The following SCPEP1 variants were observed in gnomAD, a reference collection of about 807,000 sequenced individuals.
SCPEP1 encodes serine carboxypeptidase 1, also known as retinoid-inducible serine carboxypeptidase.
Under a neutral mutation model 63.8 loss-of-function variants are expected in SCPEP1, and 51 were observed. The ratio of observed to expected loss-of-function variants is 0.80; its 90% CI spans 0.64 to 1.01. SCPEP1 has a LOEUF of 1.01. Ranked by LOEUF, SCPEP1 falls within the 50% of genes least tolerant of loss-of-function variation. The pLI, the probability that SCPEP1 is intolerant of heterozygous loss-of-function variation, is 0.00. For synonymous variants in SCPEP1, 204 were observed against 207.8 expected, an observed-to-expected ratio of 0.98 and a Z score of 0.16; for missense variants, 499 against 554.9, an observed-to-expected ratio of 0.90 and a Z score of 1.01.
chr17:56,994,883 C>T (rs1911500277), intron 6 of SCPEP1, 98 bp from the exon 7 acceptor site: 1 of 1,133,462 alleles, frequency 8.8e-7, no homozygotes, highest in East Asian at 2.4e-5. Context: ...GGGTTTCTTG[C>T]TTCTGTCTCT....
At chr17:56,981,425 G>T (rs1179033671) in intron 2 of SCPEP1, among the ~76,000 whole-genome samples, 195 bp downstream of exon 2, 1 of 152,186 alleles carries the variant, frequency 6.6e-6, no homozygotes, top group Admixed American at 6.5e-5. Context: ...GGGCGAGGGG[G>T]TTCTAGCCTT....
At chr17:56,998,040 G>T (rs571126213) in intron 9 of SCPEP1, 2 of 222,442 alleles carry the variant, frequency 9.0e-6, no homozygotes, top group Non-Finnish European at 1.8e-5. Flanking sequence ...ATGGCCAGGC[G>T]TGGTGGCTCA....
chr17:57,000,625 G>A (rs561957332), intron 10 of SCPEP1, among the ~76,000 whole-genome samples: 161 of 152,224 alleles, frequency 1.1e-3, no homozygotes, highest in South Asian at 1.7e-3. Flanking sequence ...ATTAAAAATG[G>A]TGCCTGCTGT....
At chr17:56,997,076 T>C (rs767251534) in intron 9 of SCPEP1, 21 bp downstream of exon 9, 3 of 1,437,748 alleles carry the variant, frequency 2.1e-6, no homozygotes, top group South Asian at 1.3e-5. Context: ...CTTGAAGTTA[T>C]TAAAGTCCCT....
rs371538786 is a variant in SCPEP1 at position 56,994,593 on chromosome 17, G to A, written c.620-388G>A. On this transcript the variant is annotated intron_variant, in intron 6 of 12. Coordinates refer to ENST00000262288, the MANE Select transcript of SCPEP1 (RefSeq NM_021626.3). ...ACTGGAGGAGCAAATAAGATGTAGA[G>A]CAGAAATGTGAGGGTGGGGAAATAT... Among the ~76,000 whole-genome samples, 4 of 152,324 alleles carry A rather than the reference G, an allele frequency of 2.6e-5. No homozygotes were observed. In the East Asian group the frequency reaches 7.7e-4, roughly 29 times the overall value.
chr17:56,987,922 G>A, intron 4 of SCPEP1, 72 bp downstream of exon 4: 1 of 1,511,384 alleles, frequency 6.6e-7, no homozygotes, highest in Non-Finnish European at 9.0e-7. Flanking sequence ...GCATAAACCT[G>A]AACTGCCTCC....
At chr17:56,994,558 A>T (rs1911489366) in intron 6 of SCPEP1, among the ~76,000 whole-genome samples, 1 of 152,240 alleles carries the variant, frequency 6.6e-6, no homozygotes, top group African/African-American at 2.4e-5. Flanking sequence ...GCAGAAGCTA[A>T]TATCTCCAAA....
intron 4 of SCPEP1, 149 bp from the exon 5 acceptor site, chr17:56,988,067 C>T (rs1481368786): frequency 2.0e-5 from 15 of 748,794 alleles, no homozygotes; most frequent in African/African-American, 8.9e-5. Context: ...TCTAATCAGA[C>T]GCAATAATCA....
intron 6 of SCPEP1, among the ~76,000 whole-genome samples, chr17:56,993,926 C>T (rs926989631): frequency 3.3e-5 from 5 of 152,152 alleles, no homozygotes; most frequent in African/African-American, 9.7e-5. Context: ...GAACTGCAGC[C>T]AATCCTGTGT....
At chr17:56,989,689 G>T (rs1911336180) in intron 5 of SCPEP1, among the ~76,000 whole-genome samples, 1 of 152,188 alleles carries the variant, frequency 6.6e-6, no homozygotes, top group Admixed American at 6.5e-5. Context: ...GCTCATGCCT[G>T]TAATCCCAGC....
At chr17:56,992,082 G>T (rs942160284) in intron 6 of SCPEP1, among the ~76,000 whole-genome samples, 1 of 152,228 alleles carries the variant, frequency 6.6e-6, no homozygotes, top group African/African-American at 2.4e-5. Context: ...TATCTTGATT[G>T]CAGGGGGTGG....
intron 10 of SCPEP1, among the ~76,000 whole-genome samples, 155 bp from the exon 11 acceptor site, chr17:57,000,700 C>G (rs1426915561): frequency 6.6e-6 from 1 of 152,168 alleles, no homozygotes. Flanking sequence ...CCTGACCAGT[C>G]GGCACAAATT....
intron 12 of SCPEP1, 81 bp downstream of exon 12, chr17:57,002,262 C>A: frequency 2.1e-6 from 3 of 1,406,600 alleles, no homozygotes; most frequent in Non-Finnish European, 2.9e-6. Flanking sequence ...CTGTCCACTG[C>A]CCAGGTGGGT....
At chr17:56,994,770 G>A (rs763239345) in intron 6 of SCPEP1, 1 of 478,984 alleles carries the variant, frequency 2.1e-6, no homozygotes, top group Non-Finnish European at 3.8e-6. Flanking sequence ...AGAGTCAACA[G>A]AAAGGCCCCC....
chr17:56,984,379 A>C (rs1158740630), intron 2 of SCPEP1: 2 of 152,122 alleles, frequency 1.3e-5, no homozygotes, highest in African/African-American at 2.4e-5. Context: ...TGTCCAGAAA[A>C]AGCACTGACC....
chr17:56,991,658 G>A (rs1193205776), intron 6 of SCPEP1, among the ~76,000 whole-genome samples: 3 of 152,208 alleles, frequency 2.0e-5, no homozygotes, highest in African/African-American at 7.2e-5. Context: ...TTTTGTAATT[G>A]AGCATCCGTG....
chr17:56,980,091 C>G (rs1205443418), intron 1 of SCPEP1, among the ~76,000 whole-genome samples: 1 of 152,010 alleles, frequency 6.6e-6, no homozygotes, highest in Non-Finnish European at 1.5e-5. Flanking sequence ...CCTCTTCACT[C>G]ATGTTTTTTG....
chr17:57,006,385 A>G lies in SCPEP1; in HGVS notation c.*150A>G, dbSNP rs1217132424. ...ACCAGCTTCTGCAGAGGATAAAATC[A>G]TTGTCTCTGGAGGCAATTTGGAAAT... On this transcript the variant is annotated 3_prime_UTR_variant, in exon 13 of 13. Transcript: ENST00000262288. 2 of 481,286 alleles carry G rather than the reference A, an allele frequency of 4.2e-6. No individual in the cohort carries two copies. The highest frequency in any genetic ancestry group is 3.7e-5 in the Admixed American group (1 of 26,722). The allele number at this position is 481,286 out of a possible 1,614,324, so 29.8% of individuals were successfully genotyped here.
rs9905327 is a variant in SCPEP1 at position 57,001,640 on chromosome 17, T to G, written c.1133-378T>G. Among the ~76,000 whole-genome samples, 546 of 147,860 alleles carry G rather than the reference T, an allele frequency of 3.7e-3. 3 individuals carry two copies. The highest frequency in any genetic ancestry group is 0.013 in the African/African-American group (527 of 40,620). ...GGACAATTTGGAAAGCTGCTGCATT[T>G]CTCGATGAACATCCCAGGTGATCCT... On this transcript the variant is annotated intron_variant, in intron 11 of 12. Transcript: ENST00000262288.
Sources: gnomAD v4.1 joint callset for allele counts (sites outside exome capture counted in the v4.1 genomes callset) on GRCh38, gnomAD v4.1.1 for gene constraint, MANE v1.5 for transcripts, NCBI Gene and HGNC (gene_info 2026-07-23, HGNC 2026-07-21) for gene names.